The following LRP12 variants were observed in gnomAD, a reference collection of about 807,000 sequenced individuals.
LRP12 encodes the protein LDL receptor related protein 12, also known as low-density lipoprotein receptor-related protein 12.
A neutral mutation model predicts 66.0 loss-of-function variants in LRP12; 14 were observed. That is an observed-to-expected ratio of 0.21 (90% CI 0.14 to 0.33). The LOEUF is 0.33. LRP12 is among the 10% of genes least tolerant of loss of function. The probability of loss-of-function intolerance (pLI) is 1.00; values close to 1 mark genes in which losing one functional copy is unlikely to be tolerated. For synonymous variants in LRP12, 357 were observed against 359.1 expected, an observed-to-expected ratio of 0.99 and a Z score of 0.07; for missense variants, 889 against 1,053.4, an observed-to-expected ratio of 0.84 and a Z score of 2.16.
At chr8:104,588,039 C>T (rs1033779123) in intron 1 of LRP12, among the ~76,000 whole-genome samples, 4 of 152,230 alleles carry the variant, frequency 2.6e-5, no homozygotes, top group Non-Finnish European at 5.9e-5. Context: ...TCCGCACAGT[C>T]TTCAGCCTTC....
intron 1 of LRP12, among the ~76,000 whole-genome samples, chr8:104,547,181 A>C (rs1811582448): frequency 7.2e-6 from 1 of 139,542 alleles, no homozygotes; most frequent in Non-Finnish European, 1.5e-5. Context: ...ATAATATACA[A>C]TTCTATGTTA....
chr8:104,497,427 A>G lies in LRP12; in HGVS notation c.1125T>C (p.Cys375=). ...FNATYQVDGF[C]LPWEIPCGGN... ...CTCCACAGGGTATTTCCCATGGCAA[A>G]CAGAACCCATCTACTTGGTAAGTAG... The change falls in exon 5 of 7, where the codon TGT becomes TGC. Residue 375 remains cysteine (C), a synonymous_variant. Coordinates refer to ENST00000276654, the MANE Select transcript of LRP12 (RefSeq NM_013437.5). This position sits in a 1 kb window ranked among gnomAD's most constrained non-coding sequence, Gnocchi z 4.3. The G allele has an allele frequency of 6.2e-7, 1 of 1,614,148 alleles. No individual in the cohort carries two copies. The highest frequency in any genetic ancestry group is 1.1e-5 in the South Asian group (1 of 91,078).
At chr8:104,557,001 A>G (rs1380326273) in intron 1 of LRP12, among the ~76,000 whole-genome samples, 1 of 152,220 alleles carries the variant, frequency 6.6e-6, no homozygotes, top group Non-Finnish European at 1.5e-5. Context: ...AACAAAAATT[A>G]AAAACAAAAA....
intron 1 of LRP12, among the ~76,000 whole-genome samples, chr8:104,558,660 T>C (rs1174178596): frequency 1.3e-5 from 2 of 150,368 alleles, no homozygotes; most frequent in East Asian, 3.9e-4. Flanking sequence ...ATCAGCAGAG[T>C]AAACAGACAA....
At chr8:104,548,185 T>TATATATA (rs1554709902) in intron 1 of LRP12, among the ~76,000 whole-genome samples, 1 of 103,226 alleles carries the variant, frequency 9.7e-6, no homozygotes, top group Non-Finnish European at 1.7e-5. Context: ...TAATATATAA[T>TATATATA]ATATATATAA....
At chr8:104,519,827 AC>A (rs1386175229) in intron 2 of LRP12, among the ~76,000 whole-genome samples, 1 of 152,022 alleles carries the variant, frequency 6.6e-6, no homozygotes, top group African/African-American at 2.4e-5. Flanking sequence ...CTGCATTAGT[AC>A]CGATATTTAA....
intron 1 of LRP12, among the ~76,000 whole-genome samples, chr8:104,567,639 T>C (rs1812025780): frequency 6.6e-6 from 1 of 152,090 alleles, no homozygotes; most frequent in Non-Finnish European, 1.5e-5. Context: ...GTTCAACAAG[T>C]CATAGGATAC....
In LRP12 at chr8:104,497,550, A is replaced by C. The variant is rs772043775; in HGVS notation, c.1002T>G (p.Ala334=). 2 of 1,613,838 alleles carry C rather than the reference A, an allele frequency of 1.2e-6. No individual in the cohort carries two copies. The highest frequency in any genetic ancestry group is 3.3e-5 in the Admixed American group (2 of 59,978). ...NPHKLLRVLT[A]FDSHAPLTVV... ...CTGTAAGAGGTGCATGAGAATCAAA[A>C]GCTGTCAACACACGCAAAAGCTTGT... The change falls in exon 5 of 7, where the codon GCT becomes GCG. Residue 334 remains alanine, a synonymous_variant. Transcript: ENST00000276654. This position sits in a 1 kb window ranked among gnomAD's most constrained non-coding sequence, Gnocchi z 4.3.
chr8:104,537,539 C>CA (rs1392105372), intron 1 of LRP12, among the ~76,000 whole-genome samples: 2 of 151,998 alleles, frequency 1.3e-5, no homozygotes, highest in African/African-American at 2.4e-5. Context: ...TGGGTATTAC[C>CA]AGACCAGGAA....
At chr8:104,551,708 T>C (rs1811727684) in intron 1 of LRP12, among the ~76,000 whole-genome samples, 1 of 152,236 alleles carries the variant, frequency 6.6e-6, no homozygotes, top group South Asian at 2.1e-4. Context: ...TATGGCTGTG[T>C]AGTATTCCAT....
chr8:104,522,374 T>A (rs1024323711), intron 2 of LRP12, among the ~76,000 whole-genome samples: 7 of 152,124 alleles, frequency 4.6e-5, no homozygotes, highest in African/African-American at 1.7e-4. Flanking sequence ...ATGATTTTGA[T>A]AGAATAAAAT....
chr8:104,498,167 T>C, intron 4 of LRP12, 91 bp from the exon 5 acceptor site: 1 of 1,232,986 alleles, frequency 8.1e-7, no homozygotes, highest in Non-Finnish European at 1.1e-6. Context: ...ATTTTTATAA[T>C]AAATGTTCAT....
chr8:104,541,713 A>T (rs1588497706), intron 1 of LRP12, among the ~76,000 whole-genome samples: 1 of 152,060 alleles, frequency 6.6e-6, no homozygotes, highest in Non-Finnish European at 1.5e-5. Flanking sequence ...TTCTGTCTGT[A>T]TGGATTTGCC....
intron 2 of LRP12, among the ~76,000 whole-genome samples, chr8:104,528,882 A>C (rs1041818731): frequency 6.6e-6 from 1 of 152,184 alleles, no homozygotes; most frequent in Non-Finnish European, 1.5e-5. Context: ...AATAGATTTC[A>C]TGTATTATTC....
intron 3 of LRP12, chr8:104,506,685 C>T (rs1263581334): frequency 3.9e-5 from 6 of 152,080 alleles, no homozygotes; most frequent in South Asian, 4.1e-4. Flanking sequence ...CAAAATTGCC[C>T]GTCCCTAGTC....
At chr8:104,555,674 A>G (rs193128084) in intron 1 of LRP12, among the ~76,000 whole-genome samples, 1 of 152,324 alleles carries the variant, frequency 6.6e-6, no homozygotes, top group East Asian at 1.9e-4. Context: ...AATTACTAAT[A>G]GACCTAAGAA....
chr8:104,513,740 G>GGCCA (rs1328527937), intron 2 of LRP12, among the ~76,000 whole-genome samples: 1 of 152,028 alleles, frequency 6.6e-6, no homozygotes, highest in Non-Finnish European at 1.5e-5. Context: ...CTCTGTCCTT[G>GGCCA]GCCAGCCAGC....
intron 2 of LRP12, among the ~76,000 whole-genome samples, chr8:104,509,821 C>T (rs1039724134): frequency 6.6e-6 from 1 of 152,112 alleles, no homozygotes; most frequent in African/African-American, 2.4e-5. Context: ...CCTCAAACTG[C>T]AAAAGTTAAT....
intron 4 of LRP12, among the ~76,000 whole-genome samples, chr8:104,499,095 T>G (rs1810784263): frequency 6.6e-6 from 1 of 152,196 alleles, no homozygotes; most frequent in Admixed American, 6.5e-5. Context: ...AAAAGAAAAT[T>G]AACCTTAGTA....
Sources: gnomAD v4.1 joint callset for allele counts (sites outside exome capture counted in the v4.1 genomes callset) on GRCh38, gnomAD v4.1.1 for gene constraint, Gnocchi (gnomAD v3.1) non-coding constraint, MANE v1.5 for transcripts, NCBI Gene and HGNC (gene_info 2026-07-23, HGNC 2026-07-21) for gene names.